Variants in PPP1R9A observed in about 807,000 individuals in gnomAD.
The protein encoded by PPP1R9A is neurabin-1.
In PPP1R9A, 59 loss-of-function variants were observed where a neutral mutation model predicts 141.9. The observed-to-expected ratio is 0.42, with a 90% CI of 0.34 to 0.52. The LOEUF (loss-of-function observed/expected upper bound fraction) is 0.52, where lower values mean the gene tolerates loss of function less well. PPP1R9A is among the 20% of genes least tolerant of loss of function. The pLI, the probability that PPP1R9A is intolerant of heterozygous loss-of-function variation, is 0.10. For missense variants in PPP1R9A, 1,444 were observed against 1,611.9 expected, an observed-to-expected ratio of 0.90 and a Z score of 1.78; for synonymous variants, 500 against 569.7, an observed-to-expected ratio of 0.88 and a Z score of 1.74.
chr7:95,168,911 AAG>A (rs2152742252), intron 5 of PPP1R9A, among the ~76,000 whole-genome samples: 1 of 152,170 alleles, frequency 6.6e-6, no homozygotes, highest in East Asian at 1.9e-4. Context: ...TGTGGAGAAA[AAG>A]GAACTCTTAC....
intron 2 of PPP1R9A, among the ~76,000 whole-genome samples, chr7:95,023,492 A>G (rs1416271163): frequency 1.3e-5 from 2 of 150,670 alleles, no homozygotes; most frequent in Non-Finnish European, 3.0e-5. Flanking sequence ...CTGCTCTCAT[A>G]TTAGGTATTT....
At chr7:95,183,723 A>G (rs979710228) in intron 5 of PPP1R9A, among the ~76,000 whole-genome samples, 16 of 152,054 alleles carry the variant, frequency 1.1e-4, no homozygotes, top group Non-Finnish European at 2.2e-4. Context: ...CTGAGATTAC[A>G]GGCGTGAGCC....
chr7:95,181,300 TAGAG>T (rs1294392274), intron 5 of PPP1R9A, among the ~76,000 whole-genome samples: 1 of 140,122 alleles, frequency 7.1e-6, no homozygotes, highest in Non-Finnish European at 1.5e-5. Context: ...ATATATAGAA[TAGAG>T]AGAATATATA....
At chr7:95,056,443 T>C (rs1811512390) in intron 2 of PPP1R9A, among the ~76,000 whole-genome samples, 1 of 152,202 alleles carries the variant, frequency 6.6e-6, no homozygotes, top group Non-Finnish European at 1.5e-5. Flanking sequence ...ATAGCAGATA[T>C]ATTTTTTCTT....
At chr7:95,287,277 AC>A in intron 18 of PPP1R9A, 1 of 1,041,390 alleles carries the variant, frequency 9.6e-7, no homozygotes, top group South Asian at 1.4e-5. Flanking sequence ...AAATAGCTTT[AC>A]TCTCTGCCTT....
chr7:94,962,648 A>G (rs1249437944), intron 2 of PPP1R9A, among the ~76,000 whole-genome samples: 4 of 152,140 alleles, frequency 2.6e-5, no homozygotes, highest in African/African-American at 9.7e-5. Flanking sequence ...TCAGATAAAT[A>G]GCTAGCAAAA....
chr7:95,216,870 G>C (rs577338023), intron 7 of PPP1R9A, among the ~76,000 whole-genome samples: 1 of 152,326 alleles, frequency 6.6e-6, no homozygotes, highest in East Asian at 1.9e-4. Flanking sequence ...ATTTTGGGCT[G>C]AGACGATGGG....
At chr7:95,218,459 A>G (rs1306238085) in intron 7 of PPP1R9A, among the ~76,000 whole-genome samples, 1 of 152,136 alleles carries the variant, frequency 6.6e-6, no homozygotes, top group African/African-American at 2.4e-5. Context: ...TTTGGGGTGG[A>G]GAGTTCTGTA....
intron 12 of PPP1R9A, among the ~76,000 whole-genome samples, chr7:95,257,386 A>G (rs530640108): frequency 4.2e-4 from 64 of 152,306 alleles, no homozygotes; most frequent in African/African-American, 1.5e-3. Flanking sequence ...TTGACCATCC[A>G]TATGGAAAAA....
intron 4 of PPP1R9A, among the ~76,000 whole-genome samples, chr7:95,146,150 C>T (rs1385510750): frequency 6.6e-6 from 1 of 152,190 alleles, no homozygotes. Context: ...TCCACATCTG[C>T]TCCAGCATCT....
chr7:95,163,232 T>C, intron 5 of PPP1R9A, among the ~76,000 whole-genome samples: 1 of 152,204 alleles, frequency 6.6e-6, no homozygotes, highest in East Asian at 1.9e-4. Flanking sequence ...ATCCCTTTTT[T>C]CCCCTCTGTT....
In PPP1R9A at chr7:95,292,489, A is replaced by C. The variant is rs1806506211; in HGVS notation, c.*2186A>C. ...GTAATATTTGAAAATGGATGTATATACTGGAAATGTCTGTAAGTGTCTTGT... is the reference window on the plus strand; with the variant it reads ...GTAATATTTGAAAATGGATGTATATCCTGGAAATGTCTGTAAGTGTCTTGT... On this transcript the variant is annotated 3_prime_UTR_variant, in exon 20 of 20. Transcript: ENST00000433360. 1 of 152,626 alleles carries C rather than the reference A, an allele frequency of 6.6e-6. No homozygotes were observed. Among genetic ancestry groups the C allele is most frequent in the African/African-American group, 2.4e-5 (1 of 41,448 alleles). 9.5% of individuals were successfully genotyped at this position (152,626 alleles called of 1,614,324 possible).
At chr7:95,184,277 C>G (rs1212584787) in intron 5 of PPP1R9A, among the ~76,000 whole-genome samples, 1 of 152,132 alleles carries the variant, frequency 6.6e-6, no homozygotes, top group Non-Finnish European at 1.5e-5. Flanking sequence ...TCTTGTGACC[C>G]ATAGTTCACG....
At chr7:95,201,007 GAC>G (rs553976959) in intron 6 of PPP1R9A, among the ~76,000 whole-genome samples, 18 of 152,176 alleles carry the variant, frequency 1.2e-4, no homozygotes, top group Admixed American at 6.5e-4. Flanking sequence ...CACTCCTGCA[GAC>G]ACAGAATAAC....
At chr7:95,068,280 G>A (rs1256671354) in intron 2 of PPP1R9A, among the ~76,000 whole-genome samples, 1 of 151,810 alleles carries the variant, frequency 6.6e-6, no homozygotes, top group Non-Finnish European at 1.5e-5. Context: ...GACCAGCCTG[G>A]CCAACATGGT....
rs1473394155 is a variant in PPP1R9A at position 95,294,786 on chromosome 7, A to G, written c.*4483A>G. On this transcript the variant is annotated 3_prime_UTR_variant, in exon 20 of 20. Transcript: ENST00000433360. ...GCTTCTCCTGGAAAGTGAAAGCATC[A>G]AGTTCTATTTATGGTAGACAGAGGG... 6.6e-6 allele frequency: 1 copy of G among 152,202 alleles called. No individual in the cohort carries two copies. The highest frequency in any genetic ancestry group is 2.4e-5 in the African/African-American group (1 of 41,446). The allele number at this position is 152,202 out of a possible 1,614,324, so 9.4% of individuals were successfully genotyped here.
chr7:94,908,385 C>A, intron 1 of PPP1R9A: 1 of 152,046 alleles, frequency 6.6e-6, no homozygotes, highest in Non-Finnish European at 1.5e-5. Context: ...TAAATGTGGC[C>A]AGGGAGCTCG....
chr7:95,162,515 A>C (rs1222772092), intron 5 of PPP1R9A, among the ~76,000 whole-genome samples: 1 of 152,200 alleles, frequency 6.6e-6, no homozygotes, highest in Non-Finnish European at 1.5e-5. Context: ...GGGATTGTGA[A>C]TATTGTATAT....
chr7:95,115,497 C>T (rs565816660), intron 3 of PPP1R9A, among the ~76,000 whole-genome samples: 24 of 152,154 alleles, frequency 1.6e-4, no homozygotes, highest in African/African-American at 5.8e-4. Context: ...CTCTTCATTT[C>T]ATTGAAATAC....
Sources: gnomAD v4.1 joint callset for allele counts (sites outside exome capture counted in the v4.1 genomes callset) on GRCh38, gnomAD v4.1.1 for gene constraint, MANE v1.5 for transcripts, NCBI Gene and HGNC (gene_info 2026-07-23, HGNC 2026-07-21) for gene names.